Variants in CAST observed in about 807,000 individuals in gnomAD.
CAST encodes the protein calpastatin, also known as MIR583 host.
CAST carries 76 observed loss-of-function variants against 119.6 expected under a neutral mutation model. That is an observed-to-expected ratio of 0.64 (90% CI 0.53 to 0.77). The LOEUF (loss-of-function observed/expected upper bound fraction) is 0.77. Among genes scored for constraint, CAST ranks in the 30% least tolerant of loss-of-function variants. The pLI, the probability that CAST is intolerant of heterozygous loss-of-function variation, is 0.00. For synonymous variants in CAST, 319 were observed against 331.6 expected (o/e 0.96, Z 0.41); for missense variants, 953 against 946.5 (o/e 1.01, Z -0.09).
chr5:96,076,075 T>C, the CAST span, among the ~76,000 whole-genome samples: 1 of 152,174 alleles, frequency 6.6e-6, no homozygotes, highest in Admixed American at 6.5e-5. Context: ...TAACTCTTTT[T>C]CTTCCTGGAC....
chr5:96,462,120 C>T, the CAST span, among the ~76,000 whole-genome samples: 5 of 152,098 alleles, frequency 3.3e-5, no homozygotes, highest in African/African-American at 1.2e-4. Flanking sequence ...TCTTCCCAAC[C>T]AGGTTAGATA....
chr5:96,592,810 G>A (rs1354819188), intron 1 of CAST, among the ~76,000 whole-genome samples: 1 of 151,464 alleles, frequency 6.6e-6, no homozygotes, highest in Admixed American at 6.6e-5. Context: ...TGTCGCCCAG[G>A]CTGGAGTGCA....
At chr5:96,082,093 T>G in the CAST span, among the ~76,000 whole-genome samples, 1 of 152,190 alleles carries the variant, frequency 6.6e-6, no homozygotes, top group Non-Finnish European at 1.5e-5. Context: ...TTTGTATTTT[T>G]AGTAGAGACG....
the CAST span, among the ~76,000 whole-genome samples, chr5:96,489,505 T>C: frequency 1.3e-5 from 2 of 152,312 alleles, no homozygotes; most frequent in South Asian, 4.1e-4. Flanking sequence ...TACACAGACT[T>C]ACATATGCTA....
At chr5:96,743,784 C>A in intron 16 of CAST, 4 of 1,285,266 alleles carry the variant, frequency 3.1e-6, no homozygotes, top group Non-Finnish European at 4.4e-6. Context: ...GATTACAACA[C>A]AATGTGAGAT....
At chr5:96,360,694 T>G in the CAST span, among the ~76,000 whole-genome samples, 1 of 152,330 alleles carries the variant, frequency 6.6e-6, no homozygotes, top group Non-Finnish European at 1.5e-5. Flanking sequence ...GCCTGTTCCT[T>G]CCTCTGGAAG....
At chr5:96,394,891 C>A in the CAST span, 2 of 1,614,144 alleles carry the variant, frequency 1.2e-6, no homozygotes, top group Non-Finnish European at 8.5e-7. Context: ...TCTTCTCCAC[C>A]CCTCTTCTGT....
chr5:96,664,378 TGTG>T (rs1749035761), intron 1 of CAST, among the ~76,000 whole-genome samples: 1 of 148,198 alleles, frequency 6.7e-6, no homozygotes, highest in Admixed American at 6.6e-5. Flanking sequence ...TGCATATATA[TGTG>T]TGTGCATATA....
the CAST span, among the ~76,000 whole-genome samples, chr5:96,119,382 C>T: frequency 4.7e-4 from 71 of 152,118 alleles, no homozygotes; most frequent in Non-Finnish European, 8.7e-4. Flanking sequence ...AGAGGTTTCA[C>T]ATTAAAAAAA....
the CAST span, chr5:95,962,099 C>G: frequency 7.8e-6 from 3 of 383,978 alleles, no homozygotes; most frequent in Non-Finnish European, 1.4e-5. Flanking sequence ...GTCTGGTCGT[C>G]TTGGCTAGCC....
At chr5:96,599,952 A>G (rs1156947363) in intron 1 of CAST, among the ~76,000 whole-genome samples, 1 of 126,360 alleles carries the variant, frequency 7.9e-6, no homozygotes, top group East Asian at 2.3e-4. Context: ...ATCCTGTATT[A>G]TTGCTTCATT....
chr5:96,548,004 C>T (rs1013156806), intron 1 of CAST, among the ~76,000 whole-genome samples: 1 of 152,184 alleles, frequency 6.6e-6, no homozygotes, highest in African/African-American at 2.4e-5. Flanking sequence ...TTTGAGCCAA[C>T]TTGAGCTAAG....
chr5:96,769,982 G>A (rs2150781586), intron 29 of CAST: 1 of 152,046 alleles, frequency 6.6e-6, no homozygotes, highest in African/African-American at 2.4e-5. Context: ...CAACAACTAG[G>A]TTGTTCCATA....
chr5:96,477,826 G>A, the CAST span, among the ~76,000 whole-genome samples: 4 of 152,290 alleles, frequency 2.6e-5, no homozygotes, highest in Non-Finnish European at 5.9e-5. Flanking sequence ...TCAGAGAGTA[G>A]GAGGGTAAAC....
At chr5:96,707,335 A>T (rs1453355139) in intron 3 of CAST, among the ~76,000 whole-genome samples, 1 of 151,594 alleles carries the variant, frequency 6.6e-6, no homozygotes, top group African/African-American at 2.4e-5. Context: ...GATATTTTAT[A>T]TGTTAGAAAA....
the CAST span, among the ~76,000 whole-genome samples, chr5:96,250,700 T>C: frequency 6.6e-6 from 1 of 151,078 alleles, no homozygotes; most frequent in Non-Finnish European, 1.5e-5. Flanking sequence ...AGATATAAGG[T>C]AGGCAACAGC....
intron 3 of CAST, among the ~76,000 whole-genome samples, chr5:96,708,502 T>G (rs555418370): frequency 1.3e-5 from 2 of 152,332 alleles, no homozygotes; most frequent in South Asian, 4.1e-4. Flanking sequence ...TAGTTACTTT[T>G]TTCTTTGAGA....
At chr5:96,512,784 T>C in the CAST span, among the ~76,000 whole-genome samples, 2 of 152,222 alleles carry the variant, frequency 1.3e-5, no homozygotes, top group Non-Finnish European at 2.9e-5. Flanking sequence ...TTAGTATTAA[T>C]ATCAGTAATT....
chr5:96,316,490 A>T, the CAST span, among the ~76,000 whole-genome samples: 1 of 152,226 alleles, frequency 6.6e-6, no homozygotes, highest in Non-Finnish European at 1.5e-5. Context: ...CAAACCTGGG[A>T]CTAGATGCAG....
Sources: gnomAD v4.1 joint callset for allele counts (sites outside exome capture counted in the v4.1 genomes callset) on GRCh38, gnomAD v4.1.1 for gene constraint, MANE v1.5 for transcripts, NCBI Gene and HGNC (gene_info 2026-07-23, HGNC 2026-07-21) for gene names.